PRKG1: variants seen among roughly 807,000 people sequenced by gnomAD.
PRKG1 encodes the protein cGMP-dependent protein kinase 1.
Under a neutral mutation model 88.1 loss-of-function variants are expected in PRKG1, and 35 were observed. That is an observed-to-expected ratio of 0.40 (90% CI 0.30 to 0.53). The LOEUF is 0.53. Ranked by LOEUF, PRKG1 falls within the 20% of genes least tolerant of loss-of-function variation. The pLI is 0.59. For synonymous variants in PRKG1, 303 were observed against 292.5 expected, an observed-to-expected ratio of 1.04 and a Z score of -0.37; for missense variants, 540 against 839.8, an observed-to-expected ratio of 0.64 and a Z score of 4.41.
At chr10:51,381,242 G>A (rs566158231) in intron 2 of PRKG1, among the ~76,000 whole-genome samples, 4 of 92,356 alleles carry the variant, frequency 4.3e-5, no homozygotes, top group African/African-American at 1.6e-4. Flanking sequence ...GGGCAACAGA[G>A]CAAGCCTCCA....
At chr10:51,912,779 C>T (rs1425825124) in intron 5 of PRKG1, among the ~76,000 whole-genome samples, 2 of 151,288 alleles carry the variant, frequency 1.3e-5, no homozygotes, top group African/African-American at 4.9e-5. Flanking sequence ...CCAGCCCCCA[C>T]CTACCCCCTT....
At chr10:51,383,136 G>A (rs544171389) in intron 2 of PRKG1, among the ~76,000 whole-genome samples, 33 of 152,200 alleles carry the variant, frequency 2.2e-4, no homozygotes, top group African/African-American at 7.7e-4. Context: ...AGTTGTGTGA[G>A]GATAGAGAAG....
intron 4 of PRKG1, among the ~76,000 whole-genome samples, chr10:51,861,690 C>A (rs2132836253): frequency 6.6e-6 from 1 of 152,254 alleles, no homozygotes; most frequent in East Asian, 1.9e-4. Flanking sequence ...AAATAGAAAT[C>A]TTTACGAGTT....
At chr10:52,130,582 T>C (rs1837226144) in intron 7 of PRKG1, among the ~76,000 whole-genome samples, 1 of 152,224 alleles carries the variant, frequency 6.6e-6, no homozygotes, top group Admixed American at 6.5e-5. Flanking sequence ...TAGTATTATA[T>C]TTTCTATTTT....
intron 3 of PRKG1, among the ~76,000 whole-genome samples, chr10:51,714,325 A>G (rs1008576784): frequency 1.3e-5 from 2 of 152,100 alleles, no homozygotes; most frequent in Non-Finnish European, 2.9e-5. Context: ...ATATTGGATG[A>G]CCATAGTTCT....
chr10:51,921,920 G>A (rs896099489), intron 5 of PRKG1, among the ~76,000 whole-genome samples: 3 of 151,928 alleles, frequency 2.0e-5, no homozygotes, highest in Admixed American at 1.3e-4. Context: ...GGTAATGCTG[G>A]TCTCAGAGAA....
At chr10:51,278,459 C>A (rs1840195687) in intron 2 of PRKG1, among the ~76,000 whole-genome samples, 1 of 152,150 alleles carries the variant, frequency 6.6e-6, no homozygotes, top group South Asian at 2.1e-4. Flanking sequence ...TAGGATGATG[C>A]TGGCCTCATA....
chr10:51,647,150 T>TAA (rs10719185), intron 3 of PRKG1, among the ~76,000 whole-genome samples: 4,937 of 132,068 alleles, frequency 0.037, 116 homozygotes, highest in South Asian at 0.096. Flanking sequence ...GAGATCAAGA[T>TAA]AAAAAAAAAA....
At chr10:51,575,563 A>G (rs1837865652) in intron 3 of PRKG1, among the ~76,000 whole-genome samples, 1 of 152,014 alleles carries the variant, frequency 6.6e-6, no homozygotes, top group Non-Finnish European at 1.5e-5. Context: ...AGAGATGTAT[A>G]TAACTCATTG....
intron 7 of PRKG1, among the ~76,000 whole-genome samples, chr10:52,063,463 A>G (rs1015023460): frequency 9.2e-5 from 14 of 152,226 alleles, no homozygotes; most frequent in Admixed American, 7.9e-4. Context: ...GGGCCCCCCA[A>G]AGGGCTGCAG....
chr10:51,267,688 G>T (rs1839871612), intron 2 of PRKG1, among the ~76,000 whole-genome samples: 1 of 152,044 alleles, frequency 6.6e-6, no homozygotes, highest in Admixed American at 6.6e-5. Flanking sequence ...TAAATCTAAG[G>T]CCTGAAACCC....
chr10:52,265,677 A>C (rs982341971), intron 10 of PRKG1, among the ~76,000 whole-genome samples: 15 of 152,242 alleles, frequency 9.9e-5, no homozygotes, highest in Non-Finnish European at 2.2e-4. Context: ...ATTTAAATAC[A>C]ACCAGCAAAT....
At chr10:52,029,535 G>A (rs532617422) in intron 5 of PRKG1, among the ~76,000 whole-genome samples, 1 of 152,216 alleles carries the variant, frequency 6.6e-6, no homozygotes, top group Non-Finnish European at 1.5e-5. Flanking sequence ...GCAAAGGGAA[G>A]TACAATCTCA....
intron 3 of PRKG1, among the ~76,000 whole-genome samples, chr10:51,595,663 C>T (rs1838426471): frequency 6.6e-6 from 1 of 151,570 alleles, no homozygotes; most frequent in Non-Finnish European, 1.5e-5. Context: ...ATAAATCTGG[C>T]AAGCTTTTTT....
At chr10:52,258,785 T>C (rs1841366187) in intron 10 of PRKG1, among the ~76,000 whole-genome samples, 1 of 152,130 alleles carries the variant, frequency 6.6e-6, no homozygotes, top group Non-Finnish European at 1.5e-5. Context: ...TATGCTATTG[T>C]GTTAAATTAA....
At chr10:51,971,615 T>A (rs1289869570) in intron 5 of PRKG1, among the ~76,000 whole-genome samples, 2 of 152,110 alleles carry the variant, frequency 1.3e-5, no homozygotes, top group African/African-American at 2.4e-5. Flanking sequence ...ATTACTTCAG[T>A]CTACTGTTGA....
chr10:51,784,810 A>G (rs1376748697), intron 3 of PRKG1, among the ~76,000 whole-genome samples: 2 of 152,148 alleles, frequency 1.3e-5, no homozygotes, highest in Non-Finnish European at 2.9e-5. Context: ...AGCTTGAAAA[A>G]TAATCATAGC....
At chr10:51,275,818 T>G (rs924415621) in intron 2 of PRKG1, among the ~76,000 whole-genome samples, 2 of 151,952 alleles carry the variant, frequency 1.3e-5, no homozygotes, top group African/African-American at 4.8e-5. Flanking sequence ...CTGGGATATA[T>G]CAGGAAAGGC....
At chr10:51,167,095 T>C (rs1423914359) in intron 2 of PRKG1, among the ~76,000 whole-genome samples, 1 of 152,124 alleles carries the variant, frequency 6.6e-6, no homozygotes, top group Non-Finnish European at 1.5e-5. Context: ...CTGGTGATGG[T>C]GGCAGGGGAA....
Sources: allele counts gnomAD v4.1 joint callset (sites outside exome capture counted in the v4.1 genomes callset), GRCh38; gene constraint gnomAD v4.1.1; transcripts MANE v1.5; gene names NCBI Gene and HGNC (gene_info 2026-07-23, HGNC 2026-07-21).